Variants in RABGAP1L observed in about 807,000 individuals in gnomAD.
The protein encoded by RABGAP1L is RAB GTPase activating protein 1 like.
In RABGAP1L, 63 loss-of-function variants were observed where a neutral mutation model predicts 137.7. That is an observed-to-expected ratio of 0.46 (90% CI 0.37 to 0.56). The LOEUF (loss-of-function observed/expected upper bound fraction) is 0.56, where lower values mean the gene tolerates loss of function less well. Among genes scored for constraint, RABGAP1L ranks in the 20% least tolerant of loss-of-function variants. The pLI is 0.00. For missense variants in RABGAP1L, 1,095 were observed against 1,244.0 expected, an observed-to-expected ratio of 0.88 and a Z score of 1.80; for synonymous variants, 431 against 433.7, an observed-to-expected ratio of 0.99 and a Z score of 0.08.
At chr1:174,817,683 T>C (rs1690580550) in intron 19 of RABGAP1L, among the ~76,000 whole-genome samples, 1 of 152,148 alleles carries the variant, frequency 6.6e-6, no homozygotes, top group Admixed American at 6.5e-5. Context: ...TATCAGGTTA[T>C]TGTTAGGAAG....
intron 19 of RABGAP1L, among the ~76,000 whole-genome samples, chr1:174,855,418 T>A (rs1282238710): frequency 1.3e-5 from 2 of 152,192 alleles, no homozygotes; most frequent in African/African-American, 4.8e-5. Context: ...ATCCTAGACA[T>A]AAACCAAGGG....
At chr1:174,905,522 A>C (rs947455033) in intron 19 of RABGAP1L, among the ~76,000 whole-genome samples, 1 of 151,724 alleles carries the variant, frequency 6.6e-6, no homozygotes, top group Non-Finnish European at 1.5e-5. Context: ...AAACAGAGGA[A>C]AAAAAAAATC....
At chr1:174,829,529 T>C (rs896049825) in intron 19 of RABGAP1L, among the ~76,000 whole-genome samples, 1 of 148,282 alleles carries the variant, frequency 6.7e-6, no homozygotes, top group African/African-American at 2.5e-5. Context: ...TTAGATTTTT[T>C]TGGATTATTA....
At chr1:174,799,869 G>A in intron 18 of RABGAP1L, 1 of 987,390 alleles carries the variant, frequency 1.0e-6, no homozygotes, top group Non-Finnish European at 1.2e-6. Context: ...AACTGCCCTG[G>A]CTTCCTGGCT....
At chr1:174,908,446 G>A (rs1315508841) in intron 19 of RABGAP1L, among the ~76,000 whole-genome samples, 2 of 150,518 alleles carry the variant, frequency 1.3e-5, no homozygotes, top group African/African-American at 4.9e-5. Flanking sequence ...ATCATATCAA[G>A]TATCTTTTCC....
chr1:174,375,698 G>T (rs1685464028), intron 12 of RABGAP1L, among the ~76,000 whole-genome samples: 1 of 152,118 alleles, frequency 6.6e-6, no homozygotes, highest in Admixed American at 6.6e-5. Context: ...TGACAAAATT[G>T]AATTCATAGT....
Position 174,790,098 on chromosome 1 carries a change from T to C in RABGAP1L, c.2212-21734T>C, listed in dbSNP as rs1418145996. Reference sequence around the variant, plus strand: ...GGTGGCTCACACCTGTGGTTCCAGCTGCACAGGAGGCTGAGACACGAGGAT... The same window carrying C: ...GGTGGCTCACACCTGTGGTTCCAGCCGCACAGGAGGCTGAGACACGAGGAT... On this transcript the variant is annotated intron_variant, in intron 18 of 25. Coordinates refer to ENST00000681986, the MANE Select transcript of RABGAP1L (RefSeq NM_001366446.1). Among the ~76,000 whole-genome samples the C allele has an allele frequency of 4.6e-5, 7 of 151,686 alleles. No homozygotes were observed. The East Asian group carries it at 1.4e-3, about 30-fold the overall frequency.
intron 13 of RABGAP1L, among the ~76,000 whole-genome samples, chr1:174,466,671 C>T (rs1657330895): frequency 6.6e-6 from 1 of 152,156 alleles, no homozygotes; most frequent in Non-Finnish European, 1.5e-5. Flanking sequence ...CTTGTAATCC[C>T]AGCTACTCAG....
intron 13 of RABGAP1L, among the ~76,000 whole-genome samples, chr1:174,424,385 T>A (rs1303720652): frequency 2.6e-5 from 4 of 152,176 alleles, no homozygotes; most frequent in Non-Finnish European, 5.9e-5. Flanking sequence ...AAATGCAGAC[T>A]TTTATTTCTT....
intron 18 of RABGAP1L, among the ~76,000 whole-genome samples, chr1:174,802,125 C>T (rs1435506424): frequency 6.6e-6 from 1 of 152,160 alleles, no homozygotes; most frequent in Non-Finnish European, 1.5e-5. Context: ...ATAAAATCCA[C>T]AGGGAGTTGG....
intron 16 of RABGAP1L, among the ~76,000 whole-genome samples, chr1:174,699,945 G>A (rs1679521768): frequency 6.6e-6 from 1 of 152,086 alleles, no homozygotes; most frequent in Admixed American, 6.6e-5. Flanking sequence ...GTAGAGGAAT[G>A]GAGATATTTA....
intron 13 of RABGAP1L, among the ~76,000 whole-genome samples, chr1:174,482,228 A>G (rs1659171126): frequency 6.6e-6 from 1 of 152,242 alleles, no homozygotes; most frequent in Admixed American, 6.5e-5. Flanking sequence ...AAAGGAATGC[A>G]GCTGATGTGT....
At chr1:174,193,831 G>A (rs1667378370) in intron 1 of RABGAP1L, among the ~76,000 whole-genome samples, 1 of 152,156 alleles carries the variant, frequency 6.6e-6, no homozygotes, top group Non-Finnish European at 1.5e-5. Context: ...TATATTTAAG[G>A]TGTAAAACAT....
intron 18 of RABGAP1L, among the ~76,000 whole-genome samples, chr1:174,768,717 T>G (rs139968395): frequency 6.6e-6 from 1 of 152,352 alleles, no homozygotes; most frequent in East Asian, 1.9e-4. Context: ...GTTGCCTGCT[T>G]GGCTCACTTC....
chr1:174,901,822 T>C (rs2149161148), intron 19 of RABGAP1L, among the ~76,000 whole-genome samples: 2 of 152,320 alleles, frequency 1.3e-5, no homozygotes, highest in South Asian at 4.1e-4. Context: ...TATCTACCTT[T>C]GATTTTTGAG....
intron 13 of RABGAP1L, among the ~76,000 whole-genome samples, chr1:174,635,606 T>C (rs1267268039): frequency 1.3e-5 from 2 of 152,100 alleles, no homozygotes; most frequent in East Asian, 3.8e-4. Flanking sequence ...AAATTTTCTC[T>C]GTATCCTTTT....
At chr1:174,264,168 T>G (rs187349739) in intron 7 of RABGAP1L, among the ~76,000 whole-genome samples, 1 of 152,234 alleles carries the variant, frequency 6.6e-6, no homozygotes, top group Admixed American at 6.5e-5. Flanking sequence ...TTTAAAATTT[T>G]CAGCATATTT....
chr1:174,185,910 A>G (rs574505053), intron 1 of RABGAP1L, among the ~76,000 whole-genome samples: 36 of 152,272 alleles, frequency 2.4e-4, no homozygotes, highest in African/African-American at 8.4e-4. Flanking sequence ...TTGGGAGGCC[A>G]AGGTGGGCGG....
intron 19 of RABGAP1L, among the ~76,000 whole-genome samples, chr1:174,896,517 GC>G: frequency 6.6e-6 from 1 of 152,154 alleles, no homozygotes; most frequent in African/African-American, 2.4e-5. Context: ...CGTTGCCCAT[GC>G]CTATGTCCTG....
Sources: gnomAD v4.1 joint callset for allele counts (sites outside exome capture counted in the v4.1 genomes callset) on GRCh38, gnomAD v4.1.1 for gene constraint, MANE v1.5 for transcripts, NCBI Gene and HGNC (gene_info 2026-07-23, HGNC 2026-07-21) for gene names.